The following CWC27 variants were observed in gnomAD, a reference collection of about 807,000 sequenced individuals.
The protein encoded by CWC27 is spliceosome-associated protein CWC27 homolog.
CWC27 carries 47 observed loss-of-function variants against 63.6 expected under a neutral mutation model. The observed-to-expected ratio is 0.74, with a 90% CI of 0.58 to 0.94. CWC27 has a LOEUF of 0.94. Ranked by LOEUF, CWC27 falls within the 40% of genes least tolerant of loss-of-function variation. The pLI is 0.00. For missense variants in CWC27, 495 were observed against 554.3 expected (o/e 0.89, Z 1.07); for synonymous variants, 175 against 179.8 (o/e 0.97, Z 0.22).
At chr5:64,916,906 G>T (rs1425353955) in intron 11 of CWC27, among the ~76,000 whole-genome samples, 1 of 151,360 alleles carries the variant, frequency 6.6e-6, no homozygotes, top group African/African-American at 2.4e-5. Context: ...AGTAGTAGTA[G>T]TAGTAGTAGT....
chr5:64,996,714 A>G lies in CWC27; in HGVS notation c.1256+19476A>G. Reference sequence around the variant, plus strand: ...TTTGATTCCATTTGTTTTTGAAGACATTCTCTCTTGTTTGTGATTTTGTAT... The same window carrying G: ...TTTGATTCCATTTGTTTTTGAAGACGTTCTCTCTTGTTTGTGATTTTGTAT... On this transcript the variant is annotated intron_variant, in intron 13 of 13. Transcript: ENST00000381070. Among the ~76,000 whole-genome samples, 2 of 152,112 alleles carry G rather than the reference A, an allele frequency of 1.3e-5. 1 individual carries two copies. The highest frequency in any genetic ancestry group is 4.8e-5 in the African/African-American group (2 of 41,422).
intron 5 of CWC27, among the ~76,000 whole-genome samples, chr5:64,785,802 G>A (rs1743862488): frequency 6.6e-6 from 1 of 152,046 alleles, no homozygotes; most frequent in Non-Finnish European, 1.5e-5. Context: ...TGACTGAAAA[G>A]CTTACCTCAT....
In CWC27 at chr5:64,769,108, C is replaced by T. The variant is rs774118971; in HGVS notation, c.-39C>T. ...GCTTTAGTGGCCGGCCGGCCGCTCT[C>T]ATCCCCCGTAAGGAGCAGAGTCCTT... On this transcript the variant is annotated 5_prime_UTR_variant, in exon 1 of 14. Coordinates refer to ENST00000381070, the MANE Select transcript of CWC27 (RefSeq NM_005869.4). 5 of 1,602,094 alleles carry T rather than the reference C, an allele frequency of 3.1e-6. No individual in the cohort carries two copies. Among genetic ancestry groups the T allele is most frequent in the Non-Finnish European group, 4.3e-6 (5 of 1,170,006 alleles).
At chr5:64,776,663 G>A (rs1312586752) in intron 2 of CWC27, among the ~76,000 whole-genome samples, 1 of 152,076 alleles carries the variant, frequency 6.6e-6, no homozygotes, top group Non-Finnish European at 1.5e-5. Context: ...TCCTAAATAA[G>A]TTAAGTCAAG....
At chr5:64,870,375 C>T (rs1189720123) in intron 10 of CWC27, among the ~76,000 whole-genome samples, 1 of 151,726 alleles carries the variant, frequency 6.6e-6, no homozygotes, top group Middle Eastern at 3.2e-3. Flanking sequence ...TCAAATATGT[C>T]ACACTTTTTG....
chr5:64,780,699 G>GCGCGCA (rs1554067288), intron 2 of CWC27, among the ~76,000 whole-genome samples: 1 of 148,154 alleles, frequency 6.7e-6, no homozygotes. Flanking sequence ...GCACACGCGC[G>GCGCGCA]CACACACACA....
chr5:64,995,374 T>G (rs1266084529), intron 13 of CWC27, among the ~76,000 whole-genome samples: 1 of 152,204 alleles, frequency 6.6e-6, no homozygotes, highest in African/African-American at 2.4e-5. Flanking sequence ...GTTTTAAATA[T>G]TTGCATTGCT....
chr5:64,792,174 C>T (rs557523334), intron 7 of CWC27, among the ~76,000 whole-genome samples: 1 of 152,178 alleles, frequency 6.6e-6, no homozygotes, highest in African/African-American at 2.4e-5. Context: ...GCTCTTTCGA[C>T]TAGTACTTGT....
chr5:64,892,857 TA>T (rs768743169), intron 11 of CWC27, among the ~76,000 whole-genome samples: 4,084 of 144,598 alleles, frequency 0.028, 133 homozygotes, highest in African/African-American at 0.084. Flanking sequence ...TCTCGTTCTT[TA>T]AAAAAAAAAA....
At chr5:64,844,960 C>T (rs1232934240) in intron 10 of CWC27, 1 of 456,716 alleles carries the variant, frequency 2.2e-6, no homozygotes, top group South Asian at 1.5e-5. Flanking sequence ...CAGCCTACAG[C>T]CCGGCCCAAC....
At chr5:64,874,509 C>T (rs1746750709) in intron 10 of CWC27, among the ~76,000 whole-genome samples, 1 of 151,954 alleles carries the variant, frequency 6.6e-6, no homozygotes, top group Non-Finnish European at 1.5e-5. Context: ...CCCTGTCACC[C>T]AGGATGGAGT....
At chr5:64,830,989 G>T (rs1245963626) in intron 10 of CWC27, among the ~76,000 whole-genome samples, 1 of 152,102 alleles carries the variant, frequency 6.6e-6, no homozygotes, top group African/African-American at 2.4e-5. Context: ...TGTCTCAGCT[G>T]GTTCTTCAAG....
chr5:64,831,664 A>T (rs1485446453), intron 10 of CWC27, among the ~76,000 whole-genome samples: 2 of 151,970 alleles, frequency 1.3e-5, no homozygotes, highest in Non-Finnish European at 2.9e-5. Context: ...AACCCCTGTG[A>T]CACACAATTG....
chr5:64,941,126 A>T (rs1253214159), intron 11 of CWC27, among the ~76,000 whole-genome samples: 1 of 151,986 alleles, frequency 6.6e-6, no homozygotes, highest in Non-Finnish European at 1.5e-5. Context: ...TTATTTGAGC[A>T]CTTCCTTGTT....
chr5:64,852,358 A>G (rs1349209534), intron 10 of CWC27, among the ~76,000 whole-genome samples: 2 of 152,242 alleles, frequency 1.3e-5, no homozygotes, highest in Admixed American at 1.3e-4. Context: ...TGCCTCTATC[A>G]TATTCTTCAG....
At chr5:64,886,470 A>G (rs767555135) in intron 11 of CWC27, among the ~76,000 whole-genome samples, 5 of 152,078 alleles carry the variant, frequency 3.3e-5, no homozygotes, top group African/African-American at 7.2e-5. Flanking sequence ...ATGCTTTTGA[A>G]AGCTTGAAGT....
chr5:64,899,221 A>G (rs2112361414), intron 11 of CWC27, among the ~76,000 whole-genome samples: 1 of 152,298 alleles, frequency 6.6e-6, no homozygotes, highest in Middle Eastern at 3.4e-3. Flanking sequence ...GGTCAGGAAA[A>G]GCTTGACCAA....
chr5:64,784,207 T>G (rs1384452001), intron 4 of CWC27, among the ~76,000 whole-genome samples: 1 of 152,210 alleles, frequency 6.6e-6, no homozygotes, highest in East Asian at 1.9e-4. Flanking sequence ...TAGTTGTGAC[T>G]TTAGTGTATT....
chr5:64,945,896 T>C (rs1360578235), intron 11 of CWC27, among the ~76,000 whole-genome samples: 1 of 152,198 alleles, frequency 6.6e-6, no homozygotes. Flanking sequence ...ACTTGCTGCA[T>C]ATTTAAGATT....
Sources: allele counts gnomAD v4.1 joint callset (sites outside exome capture counted in the v4.1 genomes callset), GRCh38; gene constraint gnomAD v4.1.1; transcripts MANE v1.5; gene names NCBI Gene and HGNC (gene_info 2026-07-23, HGNC 2026-07-21).